SNX29: variants seen among roughly 807,000 people sequenced by gnomAD.
SNX29 encodes sorting nexin 29.
In SNX29, 78 loss-of-function variants were observed where a neutral mutation model predicts 102.1. That is an observed-to-expected ratio of 0.76 (90% CI 0.64 to 0.92). The LOEUF is 0.92. Among genes scored for constraint, SNX29 ranks in the 40% least tolerant of loss-of-function variants. SNX29 has a pLI of 0.00. For synonymous variants in SNX29, 580 were observed against 414.5 expected (o/e 1.40, Z -4.85); for missense variants, 1,280 against 1,061.7 (o/e 1.21, Z -2.86).
rs139464895 is a variant in SNX29 at position 12,528,083 on chromosome 16, C to T, written c.2318+3242C>T. Among the ~76,000 whole-genome samples, 799 of 152,110 alleles carry T rather than the reference C, an allele frequency of 5.3e-3. 9 individuals are homozygous for T. Among genetic ancestry groups the T allele is most frequent in the African/African-American group, 0.019 (774 of 41,474 alleles). Reference sequence around the variant, plus strand: ...CCCGTTATTCCCCCACCTTGGCCTCCCAAAGTGCTGGGATTACAGGTGTGA... The same window carrying T: ...CCCGTTATTCCCCCACCTTGGCCTCTCAAAGTGCTGGGATTACAGGTGTGA... On this transcript the variant is annotated intron_variant, in intron 20 of 20. Transcript: ENST00000566228.
At chr16:12,024,825 G>A (rs576528922) in intron 3 of SNX29, among the ~76,000 whole-genome samples, 1 of 152,312 alleles carries the variant, frequency 6.6e-6, no homozygotes, top group South Asian at 2.1e-4. Flanking sequence ...TTTAAAGATA[G>A]AGGCTTTGGT....
chr16:12,229,871 A>G (rs2077719967), intron 14 of SNX29, among the ~76,000 whole-genome samples: 1 of 152,146 alleles, frequency 6.6e-6, no homozygotes, highest in Non-Finnish European at 1.5e-5. Context: ...GTCTGGTTGG[A>G]CTTACGAGAT....
intron 14 of SNX29, among the ~76,000 whole-genome samples, chr16:12,263,034 G>C (rs2078825345): frequency 6.6e-6 from 1 of 152,138 alleles, no homozygotes; most frequent in Non-Finnish European, 1.5e-5. Context: ...AGCATGTAAA[G>C]TGCTTGCCGT....
chr16:12,564,982 C>T (rs571304297), intron 20 of SNX29, among the ~76,000 whole-genome samples: 19 of 151,384 alleles, frequency 1.3e-4, no homozygotes, highest in African/African-American at 4.6e-4. Context: ...GGCGTTTCAG[C>T]TTCCGACTAC....
chr16:12,356,186 G>C lies in SNX29; in HGVS notation c.1806G>C (p.Leu602=). Residue 602 remains leucine, a synonymous_variant, in exon 16 of 21, where the codon CTG becomes CTC. Transcript: ENST00000566228. ...AGGTGGCAGAGATGCATGGCGAGCTGATTGAGTTCAACGAGCGCCTGCACA... is the reference window on the plus strand; with the variant it reads ...AGGTGGCAGAGATGCATGGCGAGCTCATTGAGTTCAACGAGCGCCTGCACA... ...LIEVAEMHGE[L]IEFNERLHRA... 6.2e-7 allele frequency: 1 copy of C among 1,613,182 alleles called. No homozygotes were observed. Among genetic ancestry groups the C allele is most frequent in the Non-Finnish European group, 8.5e-7 (1 of 1,179,690 alleles).
At chr16:12,038,553 G>C (rs1203477057) in intron 4 of SNX29, among the ~76,000 whole-genome samples, 1 of 152,186 alleles carries the variant, frequency 6.6e-6, no homozygotes. Context: ...TACGGACACC[G>C]CAGGCGCTAA....
At chr16:12,253,116 C>T (rs145540143) in intron 14 of SNX29, among the ~76,000 whole-genome samples, 1 of 152,176 alleles carries the variant, frequency 6.6e-6, no homozygotes, top group Non-Finnish European at 1.5e-5. Flanking sequence ...TGTTCCCTAA[C>T]CCTCCTGCCC....
chr16:12,163,270 C>G (rs142244600), intron 13 of SNX29, among the ~76,000 whole-genome samples: 5,018 of 152,282 alleles, frequency 0.033, 130 homozygotes, highest in Non-Finnish European at 0.046. Flanking sequence ...CGGGACTGGC[C>G]TCCCTGAGGA....
intron 18 of SNX29, among the ~76,000 whole-genome samples, chr16:12,457,445 C>G (rs1162662841): frequency 6.6e-6 from 1 of 152,170 alleles, no homozygotes; most frequent in Non-Finnish European, 1.5e-5. Flanking sequence ...CTGTGTTTTG[C>G]AGAGATACGG....
Position 12,203,321 on chromosome 16 carries a change from T to C in SNX29, c.1678+3638T>C, listed in dbSNP as rs1175031386. Among the ~76,000 whole-genome samples, 9 of 152,322 alleles carry C rather than the reference T, an allele frequency of 5.9e-5. No individual in the cohort carries two copies. The South Asian group carries it at 1.0e-3, about 18-fold the overall frequency. On this transcript the variant is annotated intron_variant, in intron 14 of 20. Coordinates refer to ENST00000566228, the MANE Select transcript of SNX29 (RefSeq NM_032167.5). ...CTGGTGGTATTGGAGGTGACAGCTC[T>C]GAAGTTGCGTAGTGTGGCCCTGCTG... is the stretch of plus-strand genomic sequence containing the variant.
In SNX29 at chr16:12,365,869, C is replaced by T. The variant is rs550368693; in HGVS notation, c.1899+9590C>T. ...CATCCTGGCTAACATGGTGAAACCC[C>T]GTCTCTACTAAAAATACAAAAAATT... On this transcript the variant is annotated intron_variant, in intron 16 of 20. Transcript: ENST00000566228. Among the ~76,000 whole-genome samples, 25 of 151,378 alleles carry T rather than the reference C, an allele frequency of 1.7e-4. 1 individual carries two copies. The South Asian group carries it at 3.8e-3, about 23-fold the overall frequency.
At chr16:12,468,730 G>A (rs2087194320) in intron 18 of SNX29, among the ~76,000 whole-genome samples, 1 of 152,212 alleles carries the variant, frequency 6.6e-6, no homozygotes, top group Non-Finnish European at 1.5e-5. Flanking sequence ...CAGGCCACCT[G>A]GTGGTGACTG....
chr16:12,219,090 GCTA>G (rs1431478013), intron 14 of SNX29, among the ~76,000 whole-genome samples: 2 of 152,244 alleles, frequency 1.3e-5, no homozygotes, highest in East Asian at 3.9e-4. Flanking sequence ...CCAGGTTTTT[GCTA>G]CTACAAAGAG....
At chr16:12,537,371 G>A (rs1442660543) in intron 20 of SNX29, among the ~76,000 whole-genome samples, 1 of 152,236 alleles carries the variant, frequency 6.6e-6, no homozygotes, top group Non-Finnish European at 1.5e-5. Context: ...CTTGGTGCAT[G>A]ACAGAAAGAG....
intron 14 of SNX29, among the ~76,000 whole-genome samples, chr16:12,205,785 C>T (rs1026688052): frequency 3.3e-5 from 5 of 152,238 alleles, no homozygotes; most frequent in Non-Finnish European, 7.3e-5. Flanking sequence ...TGTTTCTTCC[C>T]GGTGTTCCAC....
At chr16:12,290,305 C>T (rs2079750852) in intron 15 of SNX29, among the ~76,000 whole-genome samples, 1 of 152,196 alleles carries the variant, frequency 6.6e-6, no homozygotes, top group Non-Finnish European at 1.5e-5. Context: ...TTCACACAGG[C>T]AGGTGTAAGG....
intron 3 of SNX29, among the ~76,000 whole-genome samples, chr16:12,014,286 C>A (rs2056775120): frequency 6.6e-6 from 1 of 152,026 alleles, no homozygotes; most frequent in African/African-American, 2.4e-5. Context: ...TTTACTGGCT[C>A]CTGCAGCAGA....
At chr16:12,542,020 CTG>C (rs1462795692) in intron 20 of SNX29, among the ~76,000 whole-genome samples, 2 of 151,930 alleles carry the variant, frequency 1.3e-5, no homozygotes, top group African/African-American at 4.9e-5. Flanking sequence ...CAGCACCGCT[CTG>C]TTTTTTCTTT....
intron 20 of SNX29, among the ~76,000 whole-genome samples, chr16:12,532,406 T>C (rs1431371241): frequency 6.6e-6 from 1 of 152,208 alleles, no homozygotes; most frequent in African/African-American, 2.4e-5. Flanking sequence ...AGCGTTTGTA[T>C]ATTCATTCTA....
Sources: gnomAD v4.1 joint callset for allele counts (sites outside exome capture counted in the v4.1 genomes callset) on GRCh38, gnomAD v4.1.1 for gene constraint, MANE v1.5 for transcripts, NCBI Gene and HGNC (gene_info 2026-07-23, HGNC 2026-07-21) for gene names.